TMEM272: variants seen among roughly 807,000 people sequenced by gnomAD.
TMEM272 encodes the protein transmembrane protein 272.
Under a neutral mutation model 3.7 loss-of-function variants are expected in TMEM272, and 8 were observed. That is an observed-to-expected ratio of 2.17 (90% CI 1.27 to 3.91). The LOEUF (loss-of-function observed/expected upper bound fraction) is 3.91, where lower values mean the gene tolerates loss of function less well. TMEM272 is among the 30% of genes most tolerant of loss of function. The pLI, the probability that TMEM272 is intolerant of heterozygous loss-of-function variation, is 0.00. For synonymous variants in TMEM272, 63 were observed against 39.8 expected, an observed-to-expected ratio of 1.58 and a Z score of -2.20; for missense variants, 166 against 91.5, an observed-to-expected ratio of 1.81 and a Z score of -3.32.
chr13:51,923,799 T>A, the TMEM272 span, among the ~76,000 whole-genome samples: 1 of 151,886 alleles, frequency 6.6e-6, no homozygotes, highest in South Asian at 2.1e-4. Flanking sequence ...CAAGCCCAAT[T>A]AGCCCTCAGC....
the TMEM272 span, among the ~76,000 whole-genome samples, chr13:51,850,552 A>T: frequency 6.6e-6 from 1 of 152,150 alleles, no homozygotes; most frequent in Non-Finnish European, 1.5e-5. Context: ...TAAATTTAAA[A>T]TAATATTTTA....
At chr13:51,855,018 G>T in the TMEM272 span, among the ~76,000 whole-genome samples, 13 of 152,320 alleles carry the variant, frequency 8.5e-5, no homozygotes, top group Admixed American at 5.2e-4. Flanking sequence ...GAAAAATTTT[G>T]AGACCAAGAC....
At chr13:51,876,481 A>G in the TMEM272 span, among the ~76,000 whole-genome samples, 53,893 of 152,090 alleles carry the variant, frequency 0.35, 9,673 homozygotes, top group East Asian at 0.45. Context: ...CACATCTACA[A>G]AGATTGTTCT....
upstream of TMEM272, among the ~76,000 whole-genome samples, chr13:51,846,901 T>C (rs1956309730): frequency 1.3e-5 from 2 of 152,242 alleles, no homozygotes; most frequent in South Asian, 2.1e-4. Flanking sequence ...GTAGCCTAAG[T>C]GTACAGTGTT....
At chr13:51,902,002 T>G in the TMEM272 span, among the ~76,000 whole-genome samples, 6 of 152,146 alleles carry the variant, frequency 3.9e-5, no homozygotes, top group African/African-American at 1.4e-4. Flanking sequence ...CTTGGGAAGT[T>G]ATCCACTGGG....
the TMEM272 span, among the ~76,000 whole-genome samples, chr13:51,899,461 A>G: frequency 6.6e-6 from 1 of 152,234 alleles, no homozygotes; most frequent in African/African-American, 2.4e-5. Context: ...TGCAAGTCTT[A>G]TACACTAAAA....
the TMEM272 span, among the ~76,000 whole-genome samples, chr13:51,864,082 C>T: frequency 6.6e-6 from 1 of 150,744 alleles, no homozygotes; most frequent in Non-Finnish European, 1.5e-5. Context: ...TCCCTCCCTC[C>T]CTTCCTTCCC....
the TMEM272 span, among the ~76,000 whole-genome samples, chr13:51,897,010 A>C: frequency 3.9e-5 from 6 of 152,144 alleles, no homozygotes; most frequent in Non-Finnish European, 7.3e-5. Context: ...GTCAGAAACA[A>C]AGCACAGCAA....
the TMEM272 span, among the ~76,000 whole-genome samples, chr13:51,906,915 C>T: frequency 6.6e-6 from 1 of 152,272 alleles, no homozygotes; most frequent in Non-Finnish European, 1.5e-5. Flanking sequence ...CTGGAACTCA[C>T]TTCTTTCTGC....
At chr13:51,855,681 A>T in the TMEM272 span, among the ~76,000 whole-genome samples, 46 of 152,318 alleles carry the variant, frequency 3.0e-4, no homozygotes, top group African/African-American at 1.1e-3. Context: ...CGCTGAAGAA[A>T]GAATAGTGAA....
chr13:51,895,307 C>G, the TMEM272 span, among the ~76,000 whole-genome samples: 1 of 152,166 alleles, frequency 6.6e-6, no homozygotes, highest in South Asian at 2.1e-4. Flanking sequence ...AGCATAGGCT[C>G]TGATAGCATT....
the TMEM272 span, among the ~76,000 whole-genome samples, chr13:51,896,181 T>C: frequency 6.6e-6 from 1 of 152,180 alleles, no homozygotes; most frequent in Non-Finnish European, 1.5e-5. Flanking sequence ...CTGTGGGAAA[T>C]GTAACTCTCA....
chr13:51,852,691 A>C, the TMEM272 span, among the ~76,000 whole-genome samples: 2 of 152,120 alleles, frequency 1.3e-5, no homozygotes, highest in African/African-American at 4.8e-5. Flanking sequence ...CATCCTGGCC[A>C]ACATGGTGTA....
chr13:51,816,693 G>C lies in TMEM272; in HGVS notation c.*58C>G. Reference sequence around the variant, plus strand: ...TGTGTGTGTGCGTCTGTGTGTCTGTGTGCACGCGCGTGCATGCACACGCAT... The same window carrying C: ...TGTGTGTGTGCGTCTGTGTGTCTGTCTGCACGCGCGTGCATGCACACGCAT... On this transcript the variant is annotated 3_prime_UTR_variant, in exon 5 of 5. Coordinates refer to ENST00000629372, the MANE Select transcript of TMEM272 (RefSeq NM_001351003.2). The C allele has an allele frequency of 1.5e-6, 1 of 646,750 alleles. No homozygotes were observed. Among genetic ancestry groups the C allele is most frequent in the South Asian group, 1.7e-5 (1 of 57,986 alleles). The allele number at this position is 646,750 out of a possible 1,614,324, so 40.1% of individuals were successfully genotyped here.
chr13:51,909,634 C>G, the TMEM272 span: 1 of 1,460,448 alleles, frequency 6.8e-7, no homozygotes, highest in South Asian at 1.1e-5. Flanking sequence ...CTTTCTCCTT[C>G]TAAGGTTGTT....
the TMEM272 span, among the ~76,000 whole-genome samples, chr13:51,926,121 G>GTATGTGTC: frequency 6.6e-6 from 1 of 150,886 alleles, no homozygotes; most frequent in African/African-American, 2.4e-5. Context: ...TGTGTGTGGT[G>GTATGTGTC]TATGTGTCTA....
At chr13:51,845,515 A>C (rs1956297950), upstream of TMEM272, among the ~76,000 whole-genome samples, 1 of 151,934 alleles carries the variant, frequency 6.6e-6, no homozygotes, top group Non-Finnish European at 1.5e-5. Context: ...AAGTGGGCTG[A>C]GGTAATGAGA....
chr13:51,903,002 C>T, the TMEM272 span, among the ~76,000 whole-genome samples: 1 of 152,156 alleles, frequency 6.6e-6, no homozygotes, highest in South Asian at 2.1e-4. Context: ...AGTGCATCCG[C>T]CTGGTAAAGG....
At chr13:51,887,988 TC>T in the TMEM272 span, among the ~76,000 whole-genome samples, 24 of 152,304 alleles carry the variant, frequency 1.6e-4, no homozygotes, top group Non-Finnish European at 1.5e-5. Context: ...CTATATAACT[TC>T]ATATAAATGG....
Sources: gnomAD v4.1 joint callset for allele counts (sites outside exome capture counted in the v4.1 genomes callset) on GRCh38, gnomAD v4.1.1 for gene constraint, MANE v1.5 for transcripts, NCBI Gene and HGNC (gene_info 2026-07-23, HGNC 2026-07-21) for gene names.